The following TOX variants were observed in gnomAD, a reference collection of about 807,000 sequenced individuals.
TOX encodes the protein thymocyte selection-associated high mobility group box protein TOX.
In TOX, 11 loss-of-function variants were observed where a neutral mutation model predicts 53.7. The ratio of observed to expected loss-of-function variants is 0.20; its 90% CI spans 0.13 to 0.34. The LOEUF (loss-of-function observed/expected upper bound fraction) is 0.34. Among genes scored for constraint, TOX ranks in the 10% least tolerant of loss-of-function variants. The pLI is 1.00. For synonymous variants in TOX, 225 were observed against 245.3 expected (o/e 0.92, Z 0.77); for missense variants, 570 against 664.6 (o/e 0.86, Z 1.56).
chr8:58,843,931 T>G (rs1293602280), intron 4 of TOX, among the ~76,000 whole-genome samples: 2 of 152,180 alleles, frequency 1.3e-5, no homozygotes, highest in Non-Finnish European at 2.9e-5. Context: ...CAGTAACGGA[T>G]GCACTTTGAA....
intron 7 of TOX, among the ~76,000 whole-genome samples, chr8:58,812,662 T>G (rs1229417715): frequency 6.6e-6 from 1 of 152,158 alleles, no homozygotes; most frequent in African/African-American, 2.4e-5. Flanking sequence ...CCTTCGTTAT[T>G]TGTTTATCAT....
intron 1 of TOX, among the ~76,000 whole-genome samples, chr8:58,973,389 TAA>T (rs1190474872): frequency 6.6e-6 from 1 of 152,254 alleles, no homozygotes; most frequent in Non-Finnish European, 1.5e-5. Context: ...ACAGTACTTT[TAA>T]AAAACAGTGC....
At chr8:58,859,987 C>T (rs1010127580) in intron 3 of TOX, among the ~76,000 whole-genome samples, 1 of 152,214 alleles carries the variant, frequency 6.6e-6, no homozygotes, top group African/African-American at 2.4e-5. Flanking sequence ...CTCTGCAGAA[C>T]TCCACTGCAA....
At chr8:59,008,296 A>G (rs1813829967) in intron 1 of TOX, among the ~76,000 whole-genome samples, 1 of 152,258 alleles carries the variant, frequency 6.6e-6, no homozygotes, top group Admixed American at 6.5e-5. Flanking sequence ...AATATCTTGA[A>G]GAAATTGTAC....
intron 4 of TOX, 40 bp from the exon 5 acceptor site, chr8:58,838,351 A>G (rs1485702787): frequency 6.5e-7 from 1 of 1,542,102 alleles, no homozygotes; most frequent in African/African-American, 1.4e-5. Context: ...GGGGACTGAG[A>G]CAATTTGGGG....
intron 3 of TOX, among the ~76,000 whole-genome samples, chr8:58,915,066 C>T (rs1386651322): frequency 6.7e-6 from 1 of 148,768 alleles, no homozygotes; most frequent in Non-Finnish European, 1.5e-5. Context: ...CACGGAATCT[C>T]GCTGATTGCT....
At chr8:59,109,144 T>C (rs1030311165) in intron 1 of TOX, among the ~76,000 whole-genome samples, 3 of 152,174 alleles carry the variant, frequency 2.0e-5, no homozygotes, top group Middle Eastern at 3.2e-3. Flanking sequence ...TCTCTGGTTA[T>C]TGAAAAGTTG....
intron 3 of TOX, among the ~76,000 whole-genome samples, chr8:58,876,834 T>A (rs1563377049): frequency 6.6e-6 from 1 of 152,182 alleles, no homozygotes; most frequent in Non-Finnish European, 1.5e-5. Flanking sequence ...ATAGTTACAA[T>A]TTTGCCTAGC....
intron 7 of TOX, among the ~76,000 whole-genome samples, chr8:58,813,053 C>T (rs1219161541): frequency 6.6e-6 from 1 of 152,184 alleles, no homozygotes; most frequent in East Asian, 1.9e-4. Flanking sequence ...ATCAGGTCTT[C>T]CCATCTCAGC....
intron 3 of TOX, among the ~76,000 whole-genome samples, chr8:58,894,411 T>C (rs1049743376): frequency 6.6e-6 from 1 of 152,238 alleles, no homozygotes; most frequent in Admixed American, 6.5e-5. Flanking sequence ...ACTTTAAACA[T>C]AGATGTTCTG....
At chr8:59,016,587 C>T (rs1814014234) in intron 1 of TOX, among the ~76,000 whole-genome samples, 1 of 152,146 alleles carries the variant, frequency 6.6e-6, no homozygotes, top group African/African-American at 2.4e-5. Flanking sequence ...CCATGTAAAA[C>T]TGCTATTTAT....
chr8:58,818,396 A>T (rs1467589792), intron 6 of TOX, among the ~76,000 whole-genome samples: 1 of 152,116 alleles, frequency 6.6e-6, no homozygotes, highest in Non-Finnish European at 1.5e-5. Context: ...TTTTCTAATC[A>T]TTGACTGTGA....
intron 1 of TOX, among the ~76,000 whole-genome samples, chr8:59,031,375 A>G (rs1426255517): frequency 6.6e-6 from 1 of 152,218 alleles, no homozygotes; most frequent in African/African-American, 2.4e-5. Context: ...CTGGGCATAC[A>G]TCAACCATTT....
intron 1 of TOX, among the ~76,000 whole-genome samples, chr8:59,038,793 A>T (rs552789728): frequency 6.6e-6 from 1 of 152,380 alleles, no homozygotes; most frequent in East Asian, 1.9e-4. Flanking sequence ...CTTTTTAAAA[A>T]ATAATGTGTA....
intron 2 of TOX, among the ~76,000 whole-genome samples, chr8:58,957,458 G>A (rs1263192301): frequency 1.3e-5 from 2 of 152,170 alleles, no homozygotes; most frequent in Non-Finnish European, 2.9e-5. Context: ...GTATACTCTA[G>A]CTTAAGAGGT....
At chr8:58,926,712 G>A (rs1812167116) in intron 3 of TOX, among the ~76,000 whole-genome samples, 1 of 152,082 alleles carries the variant, frequency 6.6e-6, no homozygotes, top group South Asian at 2.1e-4. Context: ...ACTGTCGATG[G>A]AGAGAAAAGA....
At chr8:58,845,696 T>A (rs1810708855) in intron 4 of TOX, among the ~76,000 whole-genome samples, 1 of 152,106 alleles carries the variant, frequency 6.6e-6, no homozygotes, top group East Asian at 1.9e-4. Context: ...TTTTTAAGGA[T>A]CTTTGATTCT....
intron 1 of TOX, among the ~76,000 whole-genome samples, chr8:59,044,680 G>T (rs937053894): frequency 4.6e-5 from 7 of 151,990 alleles, no homozygotes; most frequent in African/African-American, 1.7e-4. Flanking sequence ...TAAAATAGAG[G>T]GTTTTAAGAT....
intron 1 of TOX, among the ~76,000 whole-genome samples, chr8:59,018,988 A>G (rs566159484): frequency 1.3e-5 from 2 of 152,244 alleles, no homozygotes; most frequent in East Asian, 3.9e-4. Context: ...TTCATTGTTA[A>G]GCCTTGTAGC....
Sources: gnomAD v4.1 joint callset for allele counts (sites outside exome capture counted in the v4.1 genomes callset) on GRCh38, gnomAD v4.1.1 for gene constraint, MANE v1.5 for transcripts, NCBI Gene and HGNC (gene_info 2026-07-23, HGNC 2026-07-21) for gene names.